The following KIRREL3 variants were observed in gnomAD, a reference collection of about 807,000 sequenced individuals.
The protein encoded by KIRREL3 is kirre like nephrin family adhesion molecule 3.
In KIRREL3, 36 loss-of-function variants were observed where a neutral mutation model predicts 89.7. The ratio of observed to expected loss-of-function variants is 0.40; its 90% confidence interval spans 0.31 to 0.53. The LOEUF is 0.53. Ranked by LOEUF, KIRREL3 falls within the 20% of genes least tolerant of loss-of-function variation. The pLI is 0.49. For synonymous variants in KIRREL3, 445 were observed against 441.4 expected, an observed-to-expected ratio of 1.01 and a Z score of -0.10; for missense variants, 864 against 1,056.6, an observed-to-expected ratio of 0.82 and a Z score of 2.53.
In KIRREL3 at chr11:126,783,256, A is replaced by G. The variant is rs1390321002; in HGVS notation, c.55+217199T>C. On this transcript the variant is annotated intron_variant, in intron 1 of 16. Coordinates refer to ENST00000525144, the MANE Select transcript of KIRREL3 (RefSeq NM_032531.4). This position sits in a 1 kb window ranked among gnomAD's most constrained non-coding sequence, Gnocchi z 4.3. ...CCTTGGCTTGTAGATGTGTCCCTAC[A>G]ATCTCTGCCTCTGTGGTGACATGGC... Among the ~76,000 whole-genome samples the G allele has an allele frequency of 3.3e-5, 5 of 151,992 alleles. No homozygotes were observed. Among genetic ancestry groups the G allele is most frequent in the African/African-American group, 1.2e-4 (5 of 41,368 alleles).
intron 1 of KIRREL3, among the ~76,000 whole-genome samples, chr11:126,590,191 G>C (rs561836585): frequency 1.3e-5 from 2 of 152,112 alleles, no homozygotes; most frequent in Non-Finnish European, 2.9e-5. Flanking sequence ...TTGGTTATTC[G>C]TTTTGTTAAT....
chr11:126,497,768 C>T (rs1318321694), intron 4 of KIRREL3, among the ~76,000 whole-genome samples: 1 of 152,222 alleles, frequency 6.6e-6, no homozygotes, highest in Non-Finnish European at 1.5e-5. Context: ...TGTTCAGCCC[C>T]ACCTCCAGGT....
At chr11:126,794,113 C>G (rs1165305786) in intron 1 of KIRREL3, among the ~76,000 whole-genome samples, 2 of 152,134 alleles carry the variant, frequency 1.3e-5, no homozygotes, top group African/African-American at 4.8e-5. Flanking sequence ...ACATGTGATT[C>G]TAAGACATAA....
In KIRREL3 at chr11:126,684,032, G is replaced by A; in HGVS notation, c.56-121120C>T. 6.6e-6 allele frequency among the ~76,000 whole-genome samples: 1 copy of A among 152,240 alleles called. No individual in the cohort carries two copies. Among genetic ancestry groups the A allele is most frequent in the East Asian group, 1.9e-4 (1 of 5,180 alleles). ...GGGCAGCTCCGCCTTCATACCGAAG[G>A]CAGCTTAGCATGGCACTGTCTGATC... On this transcript the variant is annotated intron_variant, in intron 1 of 16. Transcript: ENST00000525144. This position sits in a 1 kb window ranked among gnomAD's most constrained non-coding sequence, Gnocchi z 4.2.
chr11:126,644,576 G>T (rs1773147963), intron 1 of KIRREL3, among the ~76,000 whole-genome samples: 1 of 152,152 alleles, frequency 6.6e-6, no homozygotes, highest in Non-Finnish European at 1.5e-5. Context: ...TGGGTTGGGG[G>T]TGGGGGCTGA....
At chr11:126,440,583 G>T (rs868535903) in intron 10 of KIRREL3, 34 bp from the exon 11 acceptor site, 1 of 1,546,940 alleles carries the variant, frequency 6.5e-7, no homozygotes, top group Non-Finnish European at 8.8e-7. Context: ...AGGCACCCGG[G>T]AAGGGCACGT....
At position 126,535,846 on chromosome 11, in the gene KIRREL3, A is replaced by G. The variant is rs182651493; in HGVS notation, c.134-9159T>C. On this transcript the variant is annotated intron_variant, in intron 2 of 16. Coordinates refer to ENST00000525144, the MANE Select transcript of KIRREL3 (RefSeq NM_032531.4). The surrounding 1 kb of genome is among the most constrained non-coding windows in gnomAD (Gnocchi z 4.5). Reference sequence around the variant, plus strand: ...CTAAAAATACAAAAATTAGCGGGACATGGTGGTGCGTGCCTGTAATCCCAG... The same window carrying G: ...CTAAAAATACAAAAATTAGCGGGACGTGGTGGTGCGTGCCTGTAATCCCAG... 2.8e-3 allele frequency among the ~76,000 whole-genome samples: 430 copies of G among 152,264 alleles called. 3 individuals carry two copies. The highest frequency in any genetic ancestry group is 9.4e-3 in the African/African-American group (392 of 41,556).
At chr11:126,923,766 C>G (rs560976076) in intron 1 of KIRREL3, among the ~76,000 whole-genome samples, 33 of 152,208 alleles carry the variant, frequency 2.2e-4, no homozygotes, top group Non-Finnish European at 4.1e-4. Context: ...ACGTGATGGT[C>G]TATCTTGAGA....
Position 126,571,666 on chromosome 11 carries a change from C to T in KIRREL3, c.56-8754G>A, listed in dbSNP as rs1940939808. 6.6e-6 allele frequency among the ~76,000 whole-genome samples: 1 copy of T among 152,172 alleles called. No homozygotes were observed. Among genetic ancestry groups the T allele is most frequent in the Non-Finnish European group, 1.5e-5 (1 of 68,030 alleles). On this transcript the variant is annotated intron_variant, in intron 1 of 16. Coordinates refer to ENST00000525144, the MANE Select transcript of KIRREL3 (RefSeq NM_032531.4). The surrounding 1 kb of genome is among the most constrained non-coding windows in gnomAD (Gnocchi z 7.7). The stretch of plus-strand genomic sequence containing the variant: ...GAGGATCCAAAAGGTTACAAAACTT[C>T]CCCAAGGTCACATTGCTAGTAAGTG...
Position 126,742,861 on chromosome 11 carries a change from A to G in KIRREL3, c.56-179949T>C, listed in dbSNP as rs1311709408. ...CGTGGCTCCTCTCTGAAGAGGCAAG[A>G]AAAAGATTCTGAAGATGATGGATCT... On this transcript the variant is annotated intron_variant, in intron 1 of 16. Coordinates refer to ENST00000525144, the MANE Select transcript of KIRREL3 (RefSeq NM_032531.4). The surrounding 1 kb of genome is among the most constrained non-coding windows in gnomAD (Gnocchi z 5.3). Among the ~76,000 whole-genome samples, 1 of 152,212 alleles carries G rather than the reference A, an allele frequency of 6.6e-6. No individual in the cohort carries two copies. The highest frequency in any genetic ancestry group is 1.5e-5 in the Non-Finnish European group (1 of 68,042).
intron 1 of KIRREL3, among the ~76,000 whole-genome samples, chr11:126,665,880 A>G (rs1235358011): frequency 6.6e-6 from 1 of 152,212 alleles, no homozygotes; most frequent in African/African-American, 2.4e-5. Context: ...TTCATTTTTC[A>G]TTTGTAAAAC....
Position 126,608,292 on chromosome 11 carries a change from T to G in KIRREL3, c.56-45380A>C, listed in dbSNP as rs1366726082. Among the ~76,000 whole-genome samples the G allele has an allele frequency of 6.6e-6, 1 of 152,210 alleles. No individual in the cohort carries two copies. The highest frequency in any genetic ancestry group is 2.4e-5 in the African/African-American group (1 of 41,456). ...CTGGCAGGCGTTTGGAACAACGTGC[T>G]GAATAACAGCAGCATTTGTGAAATC... On this transcript the variant is annotated intron_variant, in intron 1 of 16. Coordinates refer to ENST00000525144, the MANE Select transcript of KIRREL3 (RefSeq NM_032531.4). This position sits in a 1 kb window ranked among gnomAD's most constrained non-coding sequence, Gnocchi z 4.9.
chr11:126,741,969 C>T (rs1949001838), intron 1 of KIRREL3, among the ~76,000 whole-genome samples: 1 of 152,204 alleles, frequency 6.6e-6, no homozygotes, highest in Non-Finnish European at 1.5e-5. Flanking sequence ...CACCACTCAG[C>T]ATTTCACTAG....
chr11:126,721,423 G>A (rs1458807096), intron 1 of KIRREL3, among the ~76,000 whole-genome samples: 4 of 152,030 alleles, frequency 2.6e-5, no homozygotes, highest in South Asian at 4.2e-4. Flanking sequence ...CTAGCTACTC[G>A]GGAGGCTGAG....
At chr11:126,951,460 CA>C (rs1396134579) in intron 1 of KIRREL3, among the ~76,000 whole-genome samples, 1 of 152,184 alleles carries the variant, frequency 6.6e-6, no homozygotes, top group African/African-American at 2.4e-5. Context: ...AGTAATGTCT[CA>C]CTGATCAGTG....
rs1950560809 is a variant in KIRREL3 at position 126,788,972 on chromosome 11, ATTTC to A, written c.55+211479_55+211482del. ...CCTAGTCAAACAAATCCCTGTCAAG[ATTTC>A]TTTGACCCAACGGTGGGCTGGGTTG... On this transcript the variant is annotated intron_variant, in intron 1 of 16. Coordinates refer to ENST00000525144, the MANE Select transcript of KIRREL3 (RefSeq NM_032531.4). This position sits in a 1 kb window ranked among gnomAD's most constrained non-coding sequence, Gnocchi z 4.1. Among the ~76,000 whole-genome samples the A allele has an allele frequency of 6.6e-6, 1 of 152,076 alleles. No individual in the cohort carries two copies. Among genetic ancestry groups the A allele is most frequent in the Admixed American group, 6.6e-5 (1 of 15,256 alleles).
chr11:126,466,400 C>G (rs1245438348), intron 5 of KIRREL3, among the ~76,000 whole-genome samples: 1 of 152,208 alleles, frequency 6.6e-6, no homozygotes, highest in South Asian at 2.1e-4. Context: ...CAGCGGGTAT[C>G]CCAGGGAGGA....
intron 1 of KIRREL3, among the ~76,000 whole-genome samples, chr11:126,799,231 T>G (rs1281835318): frequency 7.1e-6 from 1 of 141,680 alleles, no homozygotes; most frequent in African/African-American, 2.8e-5. Context: ...TGTATCTGTG[T>G]ATCTGTGTGT....
intron 1 of KIRREL3, among the ~76,000 whole-genome samples, chr11:126,899,155 AAAAGGG>A (rs1176898471): frequency 6.6e-6 from 1 of 152,020 alleles, no homozygotes; most frequent in Non-Finnish European, 1.5e-5. Flanking sequence ...ACGATCTTGT[AAAAGGG>A]AGATTTCCTA....
Sources: allele counts gnomAD v4.1 joint callset (sites outside exome capture counted in the v4.1 genomes callset), GRCh38; gene constraint gnomAD v4.1.1; non-coding constraint Gnocchi (gnomAD v3.1); transcripts MANE v1.5; gene names NCBI Gene and HGNC (gene_info 2026-07-23, HGNC 2026-07-21).